Variants in ZNF90 observed in about 807,000 individuals in gnomAD.
ZNF90 encodes the protein zinc finger protein 90.
Under a neutral mutation model 12.0 loss-of-function variants are expected in ZNF90, and 11 were observed. The ratio of observed to expected loss-of-function variants is 0.92; its 90% confidence interval spans 0.58 to 1.52. The LOEUF (loss-of-function observed/expected upper bound fraction) is 1.52, where lower values mean the gene tolerates loss of function less well. Among genes scored for constraint, ZNF90 ranks in the 40% most tolerant of loss-of-function variants. The pLI is 0.00. For missense variants in ZNF90, 765 were observed against 711.5 expected, an observed-to-expected ratio of 1.08 and a Z score of -0.86; for synonymous variants, 232 against 240.1, an observed-to-expected ratio of 0.97 and a Z score of 0.31.
intron 3 of ZNF90, among the ~76,000 whole-genome samples, chr19:20,117,038 TGTGTGTGTGA>T (rs1206188535): frequency 2.1e-5 from 3 of 144,952 alleles, no homozygotes; most frequent in African/African-American, 7.5e-5. Context: ...TGTGTGTGTG[TGTGTGTGTGA>T]GAGAGAGAGA....
At chr19:20,105,106 A>T (rs2122507815) in intron 2 of ZNF90, 115 bp from the exon 3 acceptor site, 2 of 598,094 alleles carry the variant, frequency 3.3e-6, no homozygotes, top group Non-Finnish European at 5.0e-6. Flanking sequence ...TTTTTTTATA[A>T]CTCTATTTTG....
intron 3 of ZNF90, among the ~76,000 whole-genome samples, chr19:20,116,700 G>A (rs1555705690): frequency 6.6e-6 from 1 of 152,066 alleles, no homozygotes; most frequent in Non-Finnish European, 1.5e-5. Context: ...TCTCAAACAT[G>A]TTCTTAGGAT....
rs2089186038 is a variant in ZNF90, at chr19:20,120,503, G to A, written c.*1143G>A. Reference sequence around the variant, plus strand: ...TAGAGAAGAATCCTGCAAATGTAGTGAATTTGGAAACAAATTTTTTTTCAA... The same window carrying A: ...TAGAGAAGAATCCTGCAAATGTAGTAAATTTGGAAACAAATTTTTTTTCAA... On this transcript the variant is annotated 3_prime_UTR_variant, in exon 4 of 4. Transcript: ENST00000418063. 6.6e-6 allele frequency among the ~76,000 whole-genome samples: 1 copy of A among 152,136 alleles called. No homozygotes were observed. The highest frequency in any genetic ancestry group is 1.5e-5 in the Non-Finnish European group (1 of 68,030).
At chr19:20,083,669 A>G (rs1555701768) in intron 1 of ZNF90, among the ~76,000 whole-genome samples, 1 of 152,076 alleles carries the variant, frequency 6.6e-6, no homozygotes, top group Non-Finnish European at 1.5e-5. Context: ...AGCATCATCG[A>G]TGTTATTGCA....
intron 1 of ZNF90, among the ~76,000 whole-genome samples, chr19:20,089,472 G>T (rs914019204): frequency 7.9e-5 from 12 of 152,094 alleles, no homozygotes; most frequent in African/African-American, 2.9e-4. Context: ...TGTGTAGTTG[G>T]GCTTCGGAGA....
chr19:20,095,450 G>A lies in ZNF90; in HGVS notation c.4-8789G>A, dbSNP rs1030747492. ...AGGACACAGGCTAAAGGAGAAGGAG[G>A]AATGGAGGGTGGAAGGTTGCCCATA... On this transcript the variant is annotated intron_variant, in intron 1 of 3. Transcript: ENST00000418063. 3.9e-5 allele frequency among the ~76,000 whole-genome samples: 6 copies of A among 152,024 alleles called. No individual in the cohort carries two copies. In the East Asian group the frequency reaches 9.7e-4, roughly 25 times the overall value.
At position 20,078,082 on chromosome 19, in the gene ZNF90, A is replaced by T; in HGVS notation, c.-51A>T. The T allele has an allele frequency of 6.2e-7, 1 of 1,613,480 alleles. No homozygotes were observed. The highest frequency in any genetic ancestry group is 8.5e-7 in the Non-Finnish European group (1 of 1,179,510). ...CTTCTCCAGCCTCTGTGGCCCTGTG[A>T]CCTGCAGGTATTGGGAGATCCACAG... On this transcript the variant is annotated 5_prime_UTR_variant, in exon 1 of 4. Coordinates refer to ENST00000418063, the MANE Select transcript of ZNF90 (RefSeq NM_007138.2).
At position 20,117,582 on chromosome 19, in the gene ZNF90, C is replaced by T. The variant is rs1219119267; in HGVS notation, c.227-199C>T. 5.1e-6 allele frequency: 5 copies of T among 984,706 alleles called. No homozygotes were observed. In the African/African-American group the frequency reaches 8.8e-5, roughly 17 times the overall value. The allele number at this position is 984,706 out of a possible 1,614,324, so 61.0% of individuals were successfully genotyped here. On this transcript the variant is annotated intron_variant, in intron 3 of 3. Transcript: ENST00000418063. ...TTCCCAAGTAGCTGGGATTTGCCCA[C>T]CACCATGCCTGGTTAATTTTGTTTG...
In ZNF90 at chr19:20,108,312, TAAAA is replaced by T. The variant is rs1199484015; in HGVS notation, c.226+3001_226+3004del. On this transcript the variant is annotated intron_variant, in intron 3 of 3. Coordinates refer to ENST00000418063, the MANE Select transcript of ZNF90 (RefSeq NM_007138.2). ...TATTGCAGTTACTTAGACAAATTGT[TAAAA>T]AAAATTTTTTGGAGAAGTAGTTACT... Among the ~76,000 whole-genome samples the T allele has an allele frequency of 7.2e-5, 11 of 152,238 alleles. No individual in the cohort carries two copies. In the East Asian group the frequency reaches 2.1e-3, roughly 29 times the overall value.
chr19:20,098,321 GC>G (rs1196624873), intron 1 of ZNF90, among the ~76,000 whole-genome samples: 2 of 152,226 alleles, frequency 1.3e-5, no homozygotes, highest in Non-Finnish European at 2.9e-5. Context: ...TGAGATGTCA[GC>G]AAAGACAGCT....
rs1047293903 is a variant in ZNF90 at position 20,100,148 on chromosome 19, C to A, written c.4-4091C>A. 2.2e-4 allele frequency among the ~76,000 whole-genome samples: 34 copies of A among 152,284 alleles called. No individual in the cohort carries two copies. In the South Asian group the frequency reaches 6.6e-3, roughly 30 times the overall value. On this transcript the variant is annotated intron_variant, in intron 1 of 3. Transcript: ENST00000418063. Reference sequence around the variant, plus strand: ...TCAGCAGAAGAGATAGAATGGGGAACCTCAGGAGGACATAGTTTCCTCCCC... The same window carrying A: ...TCAGCAGAAGAGATAGAATGGGGAAACTCAGGAGGACATAGTTTCCTCCCC...
At chr19:20,082,030 C>T (rs1184132231) in intron 1 of ZNF90, among the ~76,000 whole-genome samples, 2 of 152,000 alleles carry the variant, frequency 1.3e-5, no homozygotes, top group East Asian at 3.9e-4. Context: ...TCCTAAAGTG[C>T]TGGGATTACA....
intron 2 of ZNF90, 97 bp from the exon 3 acceptor site, chr19:20,105,124 C>T: frequency 1.2e-6 from 1 of 806,628 alleles, no homozygotes; most frequent in Non-Finnish European, 1.8e-6. Context: ...TTGGAATTTA[C>T]TAGACTATTT....
At chr19:20,117,397 C>CTCCCTTCCTTCCTTCCT (rs1555705794) in intron 3 of ZNF90, among the ~76,000 whole-genome samples, 2 of 91,344 alleles carry the variant, frequency 2.2e-5, no homozygotes, top group Admixed American at 1.1e-4. Flanking sequence ...CTTTTCTTTT[C>CTCCCTTCCTTCCTTCCT]TCCTTCCTTC....
chr19:20,078,652 A>C (rs1300036098), intron 1 of ZNF90, among the ~76,000 whole-genome samples: 1 of 151,878 alleles, frequency 6.6e-6, no homozygotes, highest in Non-Finnish European at 1.5e-5. Flanking sequence ...CCTGGTCATA[A>C]GTTGGAAAAG....
In ZNF90 at chr19:20,118,073, C is replaced by G. The variant is rs138427736; in HGVS notation, c.519C>G (p.Phe173Leu). Residue 173 changes from phenylalanine (F) to leucine (L), a missense_variant, in exon 4 of 4, where the codon TTC (phenylalanine) becomes TTG (leucine). Phe to Leu is a conservative substitution (Grantham distance 22). Coordinates refer to ENST00000418063, the MANE Select transcript of ZNF90 (RefSeq NM_007138.2). Reference sequence around the variant, plus strand: ...TAAGAGATACTGGAAAAAAACCTTTCAAATGTATAGAATGTGGCAAAGCTT... The same window carrying G: ...TAAGAGATACTGGAAAAAAACCTTTGAAATGTATAGAATGTGGCAAAGCTT... ...HKIRDTGKKPFKCIECGKAFN... is the reference protein window; with the variant it reads ...HKIRDTGKKPLKCIECGKAFN... 7.3e-5 allele frequency: 118 copies of G among 1,613,130 alleles called. No homozygotes were observed. In the African/African-American group the frequency reaches 1.4e-3, roughly 19 times the overall value.
intron 1 of ZNF90, among the ~76,000 whole-genome samples, chr19:20,089,229 G>T (rs782170754): frequency 1.4e-4 from 21 of 152,152 alleles, no homozygotes; most frequent in Admixed American, 2.6e-4. Context: ...AGAAAACATT[G>T]AGTATCTATG....
chr19:20,119,455 T>G lies in ZNF90; in HGVS notation c.*95T>G. The G allele has an allele frequency of 1.0e-6, 1 of 998,142 alleles. No homozygotes were observed. The highest frequency in any genetic ancestry group is 2.3e-4 in the Middle Eastern group (1 of 4,262). 61.8% of individuals were successfully genotyped at this position (998,142 alleles called of 1,614,324 possible). Reference sequence around the variant, plus strand: ...GTTGGAAAGCCTTTGACCACCCCTCTACTCTTACTAAATATGAGAATTTAT... The same window carrying G: ...GTTGGAAAGCCTTTGACCACCCCTCGACTCTTACTAAATATGAGAATTTAT... On this transcript the variant is annotated 3_prime_UTR_variant, in exon 4 of 4. Transcript: ENST00000418063.
At chr19:20,081,723 AGTCTTTCCCACACAGGGATTT>A (rs1388843780) in intron 1 of ZNF90, among the ~76,000 whole-genome samples, 10 of 151,922 alleles carry the variant, frequency 6.6e-5, no homozygotes, top group South Asian at 4.2e-4. Context: ...TCTACATTGC[AGTCTTTCCCACACAGGGATTT>A]GTTTTTTTTC....
Sources: gnomAD v4.1 joint callset for allele counts (sites outside exome capture counted in the v4.1 genomes callset) on GRCh38, gnomAD v4.1.1 for gene constraint, MANE v1.5 for transcripts, NCBI Gene and HGNC (gene_info 2026-07-23, HGNC 2026-07-21) for gene names.